The following ABCA1 variants were observed in gnomAD, a reference collection of about 807,000 sequenced individuals.
ABCA1 encodes the protein phospholipid-transporting ATPase ABCA1.
A neutral mutation model predicts 262.5 loss-of-function variants in ABCA1; 133 were observed. The ratio of observed to expected loss-of-function variants is 0.51; its 90% confidence interval spans 0.44 to 0.59. The LOEUF (loss-of-function observed/expected upper bound fraction) is 0.59. Among genes scored for constraint, ABCA1 ranks in the 20% least tolerant of loss-of-function variants. The probability of loss-of-function intolerance (pLI) is 0.00; values close to 1 mark genes in which losing one functional copy is unlikely to be tolerated. For synonymous variants in ABCA1, 1,022 were observed against 1,043.5 expected (o/e 0.98, Z 0.40); for missense variants, 2,452 against 2,777.5 (o/e 0.88, Z 2.63).
rs1249848617 is a variant in ABCA1, at chr9:104,784,332, T to G, written c.6769A>C (p.Lys2257Gln). 6.2e-7 allele frequency: 1 copy of G among 1,614,166 alleles called. No individual in the cohort carries two copies. The highest frequency in any genetic ancestry group is 1.3e-5 in the African/African-American group (1 of 75,060). ...AGGATTCTTCATACATAGCTTTCTT[T>G]CACTTTCTCATCCTGTAGAAAAGAT... ...LTSFLQDEKV[K>Q]ESYV Residue 2257 changes from lysine to glutamine, a missense_variant, in exon 50 of 50, where the codon AAA (lysine) becomes CAA (glutamine). Lys to Gln is a moderately conservative substitution (Grantham distance 53). Transcript: ENST00000374736.
chr9:104,805,286 G>C (rs1830667281), intron 31 of ABCA1, among the ~76,000 whole-genome samples: 1 of 152,150 alleles, frequency 6.6e-6, no homozygotes, highest in Non-Finnish European at 1.5e-5. Flanking sequence ...CATTGGCCAA[G>C]CTGGTTTCGA....
At chr9:104,806,618 A>G (rs1306343108) in intron 30 of ABCA1, among the ~76,000 whole-genome samples, 188 bp from the exon 31 acceptor site, 1 of 152,228 alleles carries the variant, frequency 6.6e-6, no homozygotes, top group African/African-American at 2.4e-5. Flanking sequence ...GACATCATTT[A>G]TATCATCATT....
intron 10 of ABCA1, 98 bp from the exon 11 acceptor site, chr9:104,837,194 G>A: frequency 1.8e-6 from 2 of 1,126,678 alleles, no homozygotes; most frequent in Non-Finnish European, 2.6e-6. Flanking sequence ...CATCACAGCA[G>A]CCCTGTGCCA....
intron 2 of ABCA1, among the ~76,000 whole-genome samples, chr9:104,902,400 C>T (rs1243814314): frequency 6.6e-6 from 1 of 152,152 alleles, no homozygotes; most frequent in Non-Finnish European, 1.5e-5. Flanking sequence ...CAATCATTAG[C>T]ACATGATAAT....
At chr9:104,838,375 C>T (rs368214362) in intron 9 of ABCA1, among the ~76,000 whole-genome samples, 5 of 150,776 alleles carry the variant, frequency 3.3e-5, no homozygotes, top group East Asian at 2.0e-4. Context: ...TTTGGGAGGC[C>T]GAGACAGGCG....
intron 2 of ABCA1, 84 bp downstream of exon 2, chr9:104,903,530 C>G: frequency 1.7e-4 from 211 of 1,212,032 alleles, no homozygotes; most frequent in Non-Finnish European, 2.3e-4. Flanking sequence ...CAGCTTCCTT[C>G]CCTCCCTCCC....
At chr9:104,859,511 C>T (rs1046128719) in intron 6 of ABCA1, among the ~76,000 whole-genome samples, 3 of 152,120 alleles carry the variant, frequency 2.0e-5, no homozygotes, top group Non-Finnish European at 4.4e-5. Flanking sequence ...TACACCATTA[C>T]TAACTGCCCT....
intron 17 of ABCA1, 151 bp from the exon 18 acceptor site, chr9:104,824,729 A>C: frequency 2.0e-6 from 2 of 989,692 alleles, no homozygotes; most frequent in Non-Finnish European, 3.1e-6. Flanking sequence ...CATTTGCTGA[A>C]ACCTGCTATG....
intron 3 of ABCA1, 92 bp from the exon 4 acceptor site, chr9:104,884,660 G>T: frequency 6.9e-7 from 1 of 1,448,760 alleles, no homozygotes; most frequent in Non-Finnish European, 9.6e-7. Flanking sequence ...TTCATGCCAA[G>T]TCTGTCCGTC....
chr9:104,787,813 G>T, intron 46 of ABCA1, 107 bp downstream of exon 46: 1 of 1,610,732 alleles, frequency 6.2e-7, no homozygotes, highest in Non-Finnish European at 8.5e-7. Context: ...CTGTCCCTGG[G>T]GGAAGACAAG....
chr9:104,890,627 G>T (rs1328756671), intron 2 of ABCA1, among the ~76,000 whole-genome samples: 1 of 151,356 alleles, frequency 6.6e-6, no homozygotes, highest in African/African-American at 2.4e-5. Flanking sequence ...TTTGAGACAG[G>T]GTCTTGCTCC....
intron 19 of ABCA1, 91 bp downstream of exon 19, chr9:104,822,405 G>T: frequency 2.6e-6 from 4 of 1,538,286 alleles, no homozygotes; most frequent in Non-Finnish European, 3.6e-6. Flanking sequence ...CTTGGCCCAG[G>T]GATCAGCATG....
intron 5 of ABCA1, among the ~76,000 whole-genome samples, chr9:104,864,050 A>T (rs991117753): frequency 6.6e-6 from 1 of 152,210 alleles, no homozygotes; most frequent in African/African-American, 2.4e-5. Flanking sequence ...AGTTTAAGGA[A>T]CATTGTTTTA....
chr9:104,906,443 A>C (rs1184020035), intron 1 of ABCA1, among the ~76,000 whole-genome samples: 1 of 152,030 alleles, frequency 6.6e-6, no homozygotes, highest in African/African-American at 2.4e-5. Context: ...GACTCCAAGG[A>C]CTCTCCAGGA....
chr9:104,887,325 C>T (rs7027196), intron 3 of ABCA1, among the ~76,000 whole-genome samples: 23,813 of 151,982 alleles, frequency 0.16, 2,265 homozygotes, highest in African/African-American at 0.27. Context: ...GTCTCATTTA[C>T]CATCAGTATA....
At chr9:104,788,798 T>C (rs1310726578) in intron 44 of ABCA1, among the ~76,000 whole-genome samples, 1 of 152,180 alleles carries the variant, frequency 6.6e-6, no homozygotes, top group African/African-American at 2.4e-5. Context: ...CTCTGAACAC[T>C]TCAGTCTGCA....
intron 1 of ABCA1, among the ~76,000 whole-genome samples, chr9:104,904,846 C>A (rs1261291211): frequency 6.6e-6 from 1 of 152,208 alleles, no homozygotes; most frequent in African/African-American, 2.4e-5. Context: ...TGCACCTGAA[C>A]ACACCGCCCC....
intron 1 of ABCA1, among the ~76,000 whole-genome samples, chr9:104,917,543 T>A (rs904714737): frequency 1.3e-5 from 2 of 151,148 alleles, no homozygotes; most frequent in African/African-American, 4.9e-5. Flanking sequence ...TCACCTGAGG[T>A]CAGGAGTTGG....
chr9:104,848,106 G>A (rs1835054320), intron 7 of ABCA1, among the ~76,000 whole-genome samples: 2 of 152,054 alleles, frequency 1.3e-5, no homozygotes, highest in African/African-American at 4.8e-5. Context: ...CTTTAAAGCA[G>A]GTGATGTTTT....
Sources: gnomAD v4.1 joint callset for allele counts (sites outside exome capture counted in the v4.1 genomes callset) on GRCh38, gnomAD v4.1.1 for gene constraint, MANE v1.5 for transcripts, NCBI Gene and HGNC (gene_info 2026-07-23, HGNC 2026-07-21) for gene names.